AKAP11: variants seen among roughly 807,000 people sequenced by gnomAD.
The protein encoded by AKAP11 is A-kinase anchoring protein 11, also known as A-kinase anchor protein 11.
A neutral mutation model predicts 146.1 loss-of-function variants in AKAP11; 36 were observed. The observed-to-expected ratio is 0.25, with a 90% CI of 0.19 to 0.33. The LOEUF (loss-of-function observed/expected upper bound fraction) is 0.33. AKAP11 is among the 10% of genes least tolerant of loss of function. The pLI is 1.00. For synonymous variants in AKAP11, 780 were observed against 786.5 expected, an observed-to-expected ratio of 0.99 and a Z score of 0.14; for missense variants, 2,201 against 2,197.0, an observed-to-expected ratio of 1.00 and a Z score of -0.04.
In AKAP11 at chr13:42,322,491, T is replaced by G. The variant is rs1961129568; in HGVS notation, c.*3263T>G. 1 of 152,288 alleles carries G rather than the reference T, an allele frequency of 6.6e-6. No individual in the cohort carries two copies. The highest frequency in any genetic ancestry group is 1.5e-5 in the Non-Finnish European group (1 of 67,972). 9.4% of individuals were successfully genotyped at this position (152,288 alleles called of 1,614,324 possible). On this transcript the variant is annotated 3_prime_UTR_variant, in exon 13 of 13. Coordinates refer to ENST00000025301, the MANE Select transcript of AKAP11 (RefSeq NM_016248.4). ...TTCAATTTCCCATCAGTATATCACT[T>G]TAAATTTTATGTTTTTCTAAGGAAA...
intron 9 of AKAP11, among the ~76,000 whole-genome samples, chr13:42,308,871 T>C (rs2138661771): frequency 6.6e-6 from 1 of 152,032 alleles, no homozygotes; most frequent in Middle Eastern, 3.4e-3. Context: ...TTTAAGCTTC[T>C]CCCAAACTTT....
chr13:42,280,088 A>T (rs1959028159), intron 1 of AKAP11, among the ~76,000 whole-genome samples: 1 of 152,154 alleles, frequency 6.6e-6, no homozygotes, highest in Admixed American at 6.5e-5. Context: ...ATACCCTGTA[A>T]ATTCTAGCCA....
chr13:42,294,774 A>T (rs1037933705), intron 4 of AKAP11, among the ~76,000 whole-genome samples: 2 of 152,120 alleles, frequency 1.3e-5, no homozygotes, highest in Non-Finnish European at 1.5e-5. Context: ...TGATCTTATG[A>T]CTTAGGGAAA....
intron 3 of AKAP11, among the ~76,000 whole-genome samples, chr13:42,287,440 C>T (rs1213400367): frequency 6.6e-6 from 1 of 152,014 alleles, no homozygotes; most frequent in East Asian, 1.9e-4. Flanking sequence ...CCCGCCACCA[C>T]ACCTGGCTAA....
At chr13:42,286,229 T>A (rs749339314) in intron 2 of AKAP11, 71 bp from the exon 3 acceptor site, 8 of 566,198 alleles carry the variant, frequency 1.4e-5, no homozygotes, top group Non-Finnish European at 2.4e-5. Context: ...TAAAATAAAT[T>A]AATTTAGCAC....
chr13:42,294,728 A>G (rs1177229791), intron 4 of AKAP11, among the ~76,000 whole-genome samples: 1 of 152,140 alleles, frequency 6.6e-6, no homozygotes, highest in Non-Finnish European at 1.5e-5. Flanking sequence ...GAAAAATAAG[A>G]AATACTCAAA....
chr13:42,292,509 A>G lies in AKAP11; in HGVS notation c.168+8A>G, dbSNP rs202035319. 153 of 1,516,626 alleles carry G rather than the reference A, an allele frequency of 1.0e-4. No individual in the cohort carries two copies. The highest frequency in any genetic ancestry group is 3.4e-4 in the Admixed American group (20 of 58,812). The allele number at this position is 1,516,626 out of a possible 1,614,324, so 93.9% of individuals were successfully genotyped here. Reference sequence around the variant, plus strand: ...CATGCCAATTTAACTGAGGTTTAACATACTACTTTCTAAACCCTTTCCTAA... The same window carrying G: ...CATGCCAATTTAACTGAGGTTTAACGTACTACTTTCTAAACCCTTTCCTAA... On this transcript the variant is annotated splice_region_variant and intron_variant, in intron 4 of 12. Transcript: ENST00000025301.
rs1407021781 is a variant in AKAP11, at chr13:42,300,679, A to G, written c.1933A>G (p.Arg645Gly). Residue 645 changes from arginine to glycine, a missense_variant, in exon 8 of 13, where the codon AGG (arginine) becomes GGG (glycine). Transcript: ENST00000025301. Reference sequence around the variant, plus strand: ...GCAGATATTCACAAACACAGTTGCTAGGTTTGCTGCAGATCTTGCTGAAGA... The same window carrying G: ...GCAGATATTCACAAACACAGTTGCTGGGTTTGCTGCAGATCTTGCTGAAGA... ...KKQIFTNTVA[R>G]FAADLAEELV... is the part of the protein sequence containing the mutation. 6.2e-7 allele frequency: 1 copy of G among 1,614,012 alleles called. No homozygotes were observed. The highest frequency in any genetic ancestry group is 1.7e-5 in the Admixed American group (1 of 59,998).
intron 11 of AKAP11, among the ~76,000 whole-genome samples, chr13:42,315,843 G>A (rs1399988376): frequency 1.3e-5 from 2 of 152,250 alleles, no homozygotes; most frequent in South Asian, 2.1e-4. Context: ...AAATCCCAAG[G>A]CAACAAACTT....
intron 3 of AKAP11, among the ~76,000 whole-genome samples, chr13:42,287,739 A>G (rs1187973808): frequency 6.6e-6 from 1 of 152,246 alleles, no homozygotes; most frequent in Non-Finnish European, 1.5e-5. Context: ...TTTTCAGATT[A>G]GCAACTAGAC....
At position 42,321,467 on chromosome 13, in the gene AKAP11, A is replaced by G. The variant is rs1234356226; in HGVS notation, c.*2239A>G. 2 of 152,324 alleles carry G rather than the reference A, an allele frequency of 1.3e-5. No individual in the cohort carries two copies. The highest frequency in any genetic ancestry group is 2.1e-4 in the South Asian group (1 of 4,834). The allele number at this position is 152,324 out of a possible 1,614,324, so 9.4% of individuals were successfully genotyped here. ...ATAGTGGAACTTCACACTTACATCAATTCAGTGCAGGGGCATAGAATAAAA... is the reference window on the plus strand; with the variant it reads ...ATAGTGGAACTTCACACTTACATCAGTTCAGTGCAGGGGCATAGAATAAAA... On this transcript the variant is annotated 3_prime_UTR_variant, in exon 13 of 13. Coordinates refer to ENST00000025301, the MANE Select transcript of AKAP11 (RefSeq NM_016248.4).
intron 4 of AKAP11, among the ~76,000 whole-genome samples, chr13:42,295,304 A>G (rs1959439456): frequency 6.6e-6 from 1 of 152,240 alleles, no homozygotes; most frequent in Non-Finnish European, 1.5e-5. Context: ...GGATGAAAGC[A>G]TTAGGTAACC....
chr13:42,286,508 A>G (rs1329091623), intron 3 of AKAP11, 109 bp downstream of exon 3: 8 of 715,182 alleles, frequency 1.1e-5, no homozygotes, highest in Non-Finnish European at 1.8e-5. Flanking sequence ...TTATTATTTG[A>G]ATTAGTAACA....
chr13:42,309,136 A>AT (rs1960428830), intron 9 of AKAP11, among the ~76,000 whole-genome samples: 1 of 149,828 alleles, frequency 6.7e-6, no homozygotes, highest in Non-Finnish European at 1.5e-5. Context: ...TAAAAATGTG[A>AT]TTTTGTATAG....
At position 42,299,601 on chromosome 13, in the gene AKAP11, T is replaced by A. The variant is rs147436453; in HGVS notation, c.855T>A (p.Ser285=). ...PWTQRSFYRS[S]NASDKDSDLQ... The stretch of plus-strand genomic sequence containing the variant: ...CCCAAAGGAGTTTCTATAGGTCATC[T>A]AATGCTTCAGATAAAGATAGTGATT... Residue 285 remains serine (S), a synonymous_variant, in exon 8 of 13, where the codon TCT becomes TCA. Coordinates refer to ENST00000025301, the MANE Select transcript of AKAP11 (RefSeq NM_016248.4). The A allele has an allele frequency of 1.4e-4, 229 of 1,614,026 alleles. 1 individual carries two copies. Among genetic ancestry groups the A allele is most frequent in the Admixed American group, 1.1e-3 (64 of 60,010 alleles).
chr13:42,279,324 C>T (rs1468077333), intron 1 of AKAP11, among the ~76,000 whole-genome samples: 1 of 152,128 alleles, frequency 6.6e-6, no homozygotes, highest in Non-Finnish European at 1.5e-5. Flanking sequence ...CACTATGTCT[C>T]TTCGTGGAAC....
At chr13:42,295,075 A>G (rs1959427183) in intron 4 of AKAP11, among the ~76,000 whole-genome samples, 1 of 152,202 alleles carries the variant, frequency 6.6e-6, no homozygotes, top group Admixed American at 6.5e-5. Context: ...GGTATCACAG[A>G]GTCAATGAAG....
intron 1 of AKAP11, among the ~76,000 whole-genome samples, chr13:42,283,076 C>G (rs188935539): frequency 6.6e-6 from 1 of 152,142 alleles, no homozygotes; most frequent in Non-Finnish European, 1.5e-5. Context: ...CCTTTCTTCC[C>G]CCATCAATCT....
At chr13:42,273,776 A>G (rs1158610981) in intron 1 of AKAP11, among the ~76,000 whole-genome samples, 1 of 152,218 alleles carries the variant, frequency 6.6e-6, no homozygotes, top group East Asian at 1.9e-4. Context: ...GAGGCTGGAA[A>G]AAATACGGTA....
Sources: allele counts gnomAD v4.1 joint callset (sites outside exome capture counted in the v4.1 genomes callset), GRCh38; gene constraint gnomAD v4.1.1; transcripts MANE v1.5; gene names NCBI Gene and HGNC (gene_info 2026-07-23, HGNC 2026-07-21).